Variants in PCDHGA7 observed in about 807,000 individuals in gnomAD.
The protein encoded by PCDHGA7 is protocadherin gamma-A7.
PCDHGA7 carries 44 observed loss-of-function variants against 58.3 expected under a neutral mutation model. That is an observed-to-expected ratio of 0.75 (90% CI 0.59 to 0.97). The LOEUF is 0.97. Among genes scored for constraint, PCDHGA7 ranks in the 50% least tolerant of loss-of-function variants. PCDHGA7 has a pLI of 0.00. For synonymous variants in PCDHGA7, 516 were observed against 504.2 expected, an observed-to-expected ratio of 1.02 and a Z score of -0.31; for missense variants, 1,266 against 1,188.7, an observed-to-expected ratio of 1.06 and a Z score of -0.96.
chr5:141,428,001 T>C (rs149531447), intron 1 of PCDHGA7: 1 of 1,601,704 alleles, frequency 6.2e-7, no homozygotes, highest in Admixed American at 1.7e-5. Flanking sequence ...CTCCGCACTC[T>C]TCGATATAGT....
chr5:141,408,437 G>A (rs368564960), intron 1 of PCDHGA7: 1 of 1,614,068 alleles, frequency 6.2e-7, no homozygotes, highest in Admixed American at 1.7e-5. Flanking sequence ...CAGCGTAGAC[G>A]CGGAGAGCGG....
In PCDHGA7 at chr5:141,485,896, C is replaced by T; in HGVS notation, c.2425-8911C>T. On this transcript the variant is annotated intron_variant, in intron 1 of 3. Coordinates refer to ENST00000518325, the MANE Select transcript of PCDHGA7 (RefSeq NM_018920.4). The surrounding 1 kb of genome is among the most constrained non-coding windows in gnomAD (Gnocchi z 5.7). ...TGGACGTAAACGACAACGCCCCAGC[C>T]TTCCAGCAATCCAGCTACAGGATTA... 6.2e-7 allele frequency: 1 copy of T among 1,614,190 alleles called. No individual in the cohort carries two copies. The highest frequency in any genetic ancestry group is 8.5e-7 in the Non-Finnish European group (1 of 1,180,042).
chr5:141,443,064 G>A (rs76234738), intron 1 of PCDHGA7, among the ~76,000 whole-genome samples: 48 of 152,264 alleles, frequency 3.2e-4, no homozygotes, highest in African/African-American at 1.1e-3. Context: ...ACTGAAGAGC[G>A]TCTTATGACT....
In PCDHGA7 at chr5:141,432,808, C is replaced by G. The variant is rs1473886709; in HGVS notation, c.2424+47485C>G. ...TCGGCAGCCTCGAGTCTCCAGCTAA[C>G]TCTGAAACCTCAGACCTCACTCTGT... is the stretch of plus-strand genomic sequence containing the variant. On this transcript the variant is annotated intron_variant, in intron 1 of 3. Coordinates refer to ENST00000518325, the MANE Select transcript of PCDHGA7 (RefSeq NM_018920.4). This position sits in a 1 kb window ranked among gnomAD's most constrained non-coding sequence, Gnocchi z 6.0. 2 of 1,613,486 alleles carry G rather than the reference C, an allele frequency of 1.2e-6. No individual in the cohort carries two copies. Among genetic ancestry groups the G allele is most frequent in the Non-Finnish European group, 1.7e-6 (2 of 1,180,008 alleles).
In PCDHGA7 at chr5:141,431,321, G is replaced by A. The variant is rs112186927; in HGVS notation, c.2424+45998G>A. The A allele has an allele frequency of 1.2e-6, 2 of 1,613,938 alleles. No individual in the cohort carries two copies. The highest frequency in any genetic ancestry group is 1.3e-5 in the African/African-American group (1 of 74,910). ...CCTCATCGTGCAAAATGGAGCCGAC[G>A]GTAGTAAGTACCCCGAATTGGTGCT... is the stretch of plus-strand genomic sequence containing the variant. On this transcript the variant is annotated intron_variant, in intron 1 of 3. Transcript: ENST00000518325. The surrounding 1 kb of genome is among the most constrained non-coding windows in gnomAD (Gnocchi z 4.8).
chr5:141,424,797 C>G (rs1262781875), intron 1 of PCDHGA7: 1 of 151,908 alleles, frequency 6.6e-6, no homozygotes, highest in Non-Finnish European at 1.5e-5. Flanking sequence ...TTATTCAGAC[C>G]AACTTGTTAT....
At chr5:141,417,949 TGA>T (rs2096196504) in intron 1 of PCDHGA7, 1 of 1,613,400 alleles carries the variant, frequency 6.2e-7, no homozygotes, top group Non-Finnish European at 8.5e-7. Context: ...CCACGCTGTG[TGA>T]GCCGATCCGC....
chr5:141,471,658 G>T (rs1354815239), intron 1 of PCDHGA7: 1 of 152,106 alleles, frequency 6.6e-6, no homozygotes, highest in Admixed American at 6.5e-5. Flanking sequence ...ATGTGGGGAT[G>T]CAGAAAAAAA....
chr5:141,478,095 C>T, intron 1 of PCDHGA7: 5 of 1,614,100 alleles, frequency 3.1e-6, no homozygotes, highest in Non-Finnish European at 4.2e-6. Context: ...TCCACCACTG[C>T]TACCCTCACT....
chr5:141,438,308 C>G (rs2097949954), intron 1 of PCDHGA7, among the ~76,000 whole-genome samples: 1 of 151,766 alleles, frequency 6.6e-6, no homozygotes, highest in Non-Finnish European at 1.5e-5. Context: ...GAAGTTGGTA[C>G]CACCATAATT....
chr5:141,461,216 T>C (rs1050704259), intron 1 of PCDHGA7, among the ~76,000 whole-genome samples: 2 of 152,168 alleles, frequency 1.3e-5, no homozygotes, highest in African/African-American at 4.8e-5. Flanking sequence ...ATCTCCATAC[T>C]GTTTTCCATA....
intron 1 of PCDHGA7, chr5:141,398,414 G>A (rs373274513): frequency 1.2e-4 from 186 of 1,488,072 alleles, no homozygotes; most frequent in Non-Finnish European, 1.6e-4. Context: ...GAGGAGATAT[G>A]CGGGAAGAAG....
chr5:141,414,253 G>A (rs768166537), intron 1 of PCDHGA7: 1 of 1,613,492 alleles, frequency 6.2e-7, no homozygotes, highest in Non-Finnish European at 8.5e-7. Flanking sequence ...ATTTAGTCCA[G>A]TGACTGAAGA....
rs747179611 is a variant in PCDHGA7 at position 141,476,473 on chromosome 5, C to T, written c.2425-18334C>T. ...TAGTGGAGAACCCGCTGGAGCTGTT[C>T]AGCGTGGAAGTGGTGATCCAGGACA... On this transcript the variant is annotated intron_variant, in intron 1 of 3. Coordinates refer to ENST00000518325, the MANE Select transcript of PCDHGA7 (RefSeq NM_018920.4). The surrounding 1 kb of genome is among the most constrained non-coding windows in gnomAD (Gnocchi z 7.6). 3.1e-6 allele frequency: 5 copies of T among 1,613,888 alleles called. No homozygotes were observed. The highest frequency in any genetic ancestry group is 3.3e-5 in the Admixed American group (2 of 59,984).
intron 1 of PCDHGA7, chr5:141,393,894 C>T (rs201697840): frequency 6.2e-7 from 1 of 1,614,000 alleles, no homozygotes. Flanking sequence ...AGAAAATTCT[C>T]TTCCCGGGAC....
chr5:141,472,145 A>C (rs1376068421), intron 1 of PCDHGA7, among the ~76,000 whole-genome samples: 1 of 152,244 alleles, frequency 6.6e-6, no homozygotes, highest in Non-Finnish European at 1.5e-5. Context: ...TAAAAGTTTC[A>C]TGGTTACATA....
intron 1 of PCDHGA7, among the ~76,000 whole-genome samples, chr5:141,492,356 G>A (rs2099739649): frequency 6.6e-6 from 1 of 152,198 alleles, no homozygotes; most frequent in Non-Finnish European, 1.5e-5. Context: ...ACTGCCACTC[G>A]CTCGCGGCCA....
At chr5:141,461,409 A>G (rs572412049) in intron 1 of PCDHGA7, among the ~76,000 whole-genome samples, 1 of 151,928 alleles carries the variant, frequency 6.6e-6, no homozygotes, top group East Asian at 1.9e-4. Flanking sequence ...GCATTTTTTC[A>G]TATGTTTGTG....
intron 1 of PCDHGA7, chr5:141,441,126 C>T (rs1319809408): frequency 6.6e-6 from 1 of 152,062 alleles, no homozygotes; most frequent in Non-Finnish European, 1.5e-5. Context: ...CAGTTGAGAC[C>T]GAATTTCTAG....
Sources: gnomAD v4.1 joint callset for allele counts (sites outside exome capture counted in the v4.1 genomes callset) on GRCh38, gnomAD v4.1.1 for gene constraint, Gnocchi (gnomAD v3.1) non-coding constraint, MANE v1.5 for transcripts, NCBI Gene and HGNC (gene_info 2026-07-23, HGNC 2026-07-21) for gene names.